ATP8A2: variants seen among roughly 807,000 people sequenced by gnomAD.
ATP8A2 encodes the protein ATPase phospholipid transporting 8A2.
Under a neutral mutation model 165.6 loss-of-function variants are expected in ATP8A2, and 100 were observed. That is an observed-to-expected ratio of 0.60 (90% CI 0.51 to 0.71). The LOEUF (loss-of-function observed/expected upper bound fraction) is 0.71, where lower values mean the gene tolerates loss of function less well. Among genes scored for constraint, ATP8A2 ranks in the 30% least tolerant of loss-of-function variants. The pLI is 0.00. For missense variants in ATP8A2, 1,227 were observed against 1,479.5 expected, an observed-to-expected ratio of 0.83 and a Z score of 2.80; for synonymous variants, 543 against 548.8, an observed-to-expected ratio of 0.99 and a Z score of 0.15.
At chr13:25,787,734 T>C (rs9783543) in intron 27 of ATP8A2, among the ~76,000 whole-genome samples, 5,058 of 152,298 alleles carry the variant, frequency 0.033, 278 homozygotes, top group African/African-American at 0.11. Context: ...CCTCAGGGCC[T>C]CTCCGGCATA....
At chr13:25,575,290 C>T (rs1429340265) in intron 19 of ATP8A2, among the ~76,000 whole-genome samples, 1 of 152,146 alleles carries the variant, frequency 6.6e-6, no homozygotes, top group Non-Finnish European at 1.5e-5. Context: ...TCAGTTCATC[C>T]CATTAGAGGC....
chr13:25,927,565 C>T (rs768302424), intron 33 of ATP8A2, among the ~76,000 whole-genome samples: 5 of 152,178 alleles, frequency 3.3e-5, no homozygotes, highest in Non-Finnish European at 4.4e-5. Context: ...TGTCTCCACA[C>T]GCAGAGATTT....
chr13:25,731,329 AGAGAAAGG>A, intron 25 of ATP8A2, among the ~76,000 whole-genome samples: 1 of 120,700 alleles, frequency 8.3e-6, no homozygotes, highest in African/African-American at 3.4e-5. Context: ...AGAGAGAAAG[AGAGAAAGG>A]GAAAGAAGAA....
chr13:25,674,332 C>A (rs896643576), intron 24 of ATP8A2, among the ~76,000 whole-genome samples: 1 of 151,312 alleles, frequency 6.6e-6, no homozygotes, highest in Non-Finnish European at 1.5e-5. Context: ...TTGTTTTCAA[C>A]CATGTATGAA....
At chr13:25,893,305 G>T (rs1953436853) in intron 33 of ATP8A2, among the ~76,000 whole-genome samples, 1 of 149,666 alleles carries the variant, frequency 6.7e-6, no homozygotes, top group Admixed American at 6.7e-5. Context: ...GCGGTGTTTG[G>T]TTTTTTGTCC....
chr13:25,820,047 C>T (rs2138563465), intron 27 of ATP8A2, among the ~76,000 whole-genome samples: 1 of 152,308 alleles, frequency 6.6e-6, no homozygotes, highest in Middle Eastern at 3.4e-3. Context: ...AAGAACAGGT[C>T]ATCCCTTTTC....
At chr13:25,964,420 C>T (rs754535479) in intron 34 of ATP8A2, among the ~76,000 whole-genome samples, 3 of 152,104 alleles carry the variant, frequency 2.0e-5, no homozygotes, top group African/African-American at 4.8e-5. Flanking sequence ...GCTCCAAACC[C>T]GAAGTATTTG....
At chr13:25,889,368 T>G (rs1049627641) in intron 33 of ATP8A2, among the ~76,000 whole-genome samples, 2 of 151,546 alleles carry the variant, frequency 1.3e-5, no homozygotes, top group African/African-American at 4.8e-5. Flanking sequence ...ATTAATACTT[T>G]TTGTTTAAAT....
At chr13:25,943,772 A>G (rs1312659017) in intron 33 of ATP8A2, among the ~76,000 whole-genome samples, 2 of 152,206 alleles carry the variant, frequency 1.3e-5, no homozygotes, top group African/African-American at 4.8e-5. Flanking sequence ...GTGAAATCCA[A>G]TCAAACCTGG....
intron 33 of ATP8A2, among the ~76,000 whole-genome samples, chr13:25,906,262 G>A (rs1377428124): frequency 3.9e-5 from 4 of 102,326 alleles, no homozygotes; most frequent in South Asian, 3.0e-4. Flanking sequence ...CCCGCCCCCC[G>A]CCCAATCCTA....
At chr13:25,394,174 G>A (rs2033341791) in intron 1 of ATP8A2, among the ~76,000 whole-genome samples, 2 of 152,198 alleles carry the variant, frequency 1.3e-5, no homozygotes, top group Non-Finnish European at 1.5e-5. Context: ...TTTAGGTGGA[G>A]TTTACAGCCT....
intron 33 of ATP8A2, 82 bp downstream of exon 33, chr13:25,862,490 TG>T: frequency 1.9e-6 from 2 of 1,065,050 alleles, no homozygotes; most frequent in Non-Finnish European, 2.9e-6. Context: ...AGGCACTGTG[TG>T]TCTTACAGCC....
intron 27 of ATP8A2, among the ~76,000 whole-genome samples, chr13:25,805,204 T>C (rs1243534130): frequency 1.3e-5 from 2 of 151,922 alleles, no homozygotes; most frequent in African/African-American, 4.8e-5. Flanking sequence ...TTTTTTTTCC[T>C]TCTACCTTTT....
At chr13:25,791,581 G>T (rs1238845268) in intron 27 of ATP8A2, among the ~76,000 whole-genome samples, 4 of 102,456 alleles carry the variant, frequency 3.9e-5, no homozygotes, top group Non-Finnish European at 8.3e-5. Context: ...ACACACTCCA[G>T]CTACTCCTAC....
intron 15 of ATP8A2, among the ~76,000 whole-genome samples, chr13:25,560,135 A>G (rs2039098936): frequency 1.3e-5 from 2 of 152,234 alleles, no homozygotes; most frequent in African/African-American, 4.8e-5. Flanking sequence ...CCCTGGAGTA[A>G]TTTTATTAGC....
chr13:25,458,268 CTTAA>C (rs2035415030), intron 1 of ATP8A2, among the ~76,000 whole-genome samples: 1 of 152,186 alleles, frequency 6.6e-6, no homozygotes, highest in Admixed American at 6.5e-5. Context: ...ACATACAATA[CTTAA>C]TTGTATATAT....
chr13:25,989,467 TA>T (rs1956340242), intron 35 of ATP8A2, among the ~76,000 whole-genome samples: 1 of 152,240 alleles, frequency 6.6e-6, no homozygotes. Context: ...ATTAGTTGAT[TA>T]AAAAATATTA....
chr13:25,507,842 G>C (rs1004321636), intron 2 of ATP8A2, among the ~76,000 whole-genome samples: 2 of 152,072 alleles, frequency 1.3e-5, no homozygotes, highest in Admixed American at 1.3e-4. Context: ...ATACAAATGA[G>C]TAGTCTAGAA....
chr13:25,933,674 G>A (rs306408), intron 33 of ATP8A2, among the ~76,000 whole-genome samples: 77,523 of 151,912 alleles, frequency 0.51, 20,514 homozygotes, highest in East Asian at 0.76. Context: ...CCCAGCTTCA[G>A]TGCTGCACTC....
Sources: allele counts gnomAD v4.1 joint callset (sites outside exome capture counted in the v4.1 genomes callset), GRCh38; gene constraint gnomAD v4.1.1; transcripts MANE v1.5; gene names NCBI Gene and HGNC (gene_info 2026-07-23, HGNC 2026-07-21).